Variants in ACER3 observed in about 807,000 individuals in gnomAD.
ACER3 encodes alkaline ceramidase 3, also known as alkCDase 3.
Under a neutral mutation model 48.9 loss-of-function variants are expected in ACER3, and 16 were observed. The ratio of observed to expected loss-of-function variants is 0.33; its 90% CI spans 0.22 to 0.50. The LOEUF is 0.50. ACER3 is among the 20% of genes least tolerant of loss of function. ACER3 has a pLI of 0.98. For missense variants in ACER3, 227 were observed against 326.0 expected (o/e 0.70, Z 2.34); for synonymous variants, 109 against 107.8 (o/e 1.01, Z -0.07).
chr11:76,985,872 C>T, intron 5 of ACER3, 148 bp downstream of exon 5: 1 of 453,166 alleles, frequency 2.2e-6, no homozygotes, highest in Non-Finnish European at 3.8e-6. Flanking sequence ...AATATTGCTC[C>T]CTTGTTCTCT....
chr11:77,017,969 CAG>C (rs1949403431), intron 9 of ACER3, among the ~76,000 whole-genome samples: 1 of 97,290 alleles, frequency 1.0e-5, no homozygotes, highest in African/African-American at 4.0e-5. Flanking sequence ...TTTTGGGAGA[CAG>C]AGTCTCCCCC....
At chr11:76,998,741 C>T (rs1555019140) in intron 6 of ACER3, 22 bp from the exon 7 acceptor site, 1 of 1,568,664 alleles carries the variant, frequency 6.4e-7, no homozygotes, top group Non-Finnish European at 8.7e-7. Context: ...TTGTACTAAC[C>T]TCATTTTCCG....
At chr11:76,898,384 G>T (rs1945988401) in intron 1 of ACER3, among the ~76,000 whole-genome samples, 1 of 152,048 alleles carries the variant, frequency 6.6e-6, no homozygotes, top group South Asian at 2.1e-4. Flanking sequence ...TTGTTTGTTT[G>T]TTTTTTGAGA....
At chr11:76,865,991 GT>G (rs201031925) in intron 1 of ACER3, among the ~76,000 whole-genome samples, 10,312 of 128,184 alleles carry the variant, frequency 0.08, 601 homozygotes, top group African/African-American at 0.18. Context: ...TTTGTTTTTT[GT>G]TTTTTTTTTT....
chr11:76,967,684 C>T (rs1309077814), intron 3 of ACER3, among the ~76,000 whole-genome samples: 1 of 152,180 alleles, frequency 6.6e-6, no homozygotes, highest in African/African-American at 2.4e-5. Flanking sequence ...GAACCAAAGA[C>T]AAAAACCACA....
Position 76,990,532 on chromosome 11 carries a change from T to C in ACER3, c.403-7T>C. ...CATTCACATGTGTTTTTTCTAATAT[T>C]TTGCAGGTTTACCTTAAGGTAAAAG... On this transcript the variant is annotated splice_region_variant and splice_polypyrimidine_tract_variant and intron_variant, in intron 5 of 10. Transcript: ENST00000532485. The C allele has an allele frequency of 6.6e-7, 1 of 1,504,030 alleles. No individual in the cohort carries two copies. The highest frequency in any genetic ancestry group is 9.2e-7 in the Non-Finnish European group (1 of 1,082,066). 93.2% of individuals were successfully genotyped at this position (1,504,030 alleles called of 1,614,324 possible). A position where few individuals can be genotyped will look rare whatever the true frequency, so the allele number is the denominator to read the frequency against.
intron 1 of ACER3, among the ~76,000 whole-genome samples, chr11:76,879,445 G>C (rs952471595): frequency 1.3e-5 from 2 of 152,062 alleles, no homozygotes; most frequent in African/African-American, 4.8e-5. Flanking sequence ...TTGTGCTATT[G>C]CACTGGCTAG....
intron 1 of ACER3, among the ~76,000 whole-genome samples, chr11:76,872,905 CTTTTTCTTTT>C (rs1945279986): frequency 1.1e-5 from 1 of 94,574 alleles, no homozygotes; most frequent in Non-Finnish European, 2.1e-5. Context: ...TTTCTTTTTT[CTTTTTCTTTT>C]TTTTTTTTTT....
At chr11:76,991,262 A>G (rs753117104) in intron 6 of ACER3, among the ~76,000 whole-genome samples, 2 of 152,124 alleles carry the variant, frequency 1.3e-5, no homozygotes, top group Non-Finnish European at 2.9e-5. Flanking sequence ...GATTTGTCTG[A>G]CTCCTTTTCA....
Position 76,945,412 on chromosome 11 carries a change from T to G in ACER3, c.215-13567T>G, listed in dbSNP as rs568868028. ...GATATATGTTGTTGGTTGAATAGGA[T>G]GCTTTGGCTTTGATTTTGGGTGCCT... is the stretch of plus-strand genomic sequence containing the variant. On this transcript the variant is annotated intron_variant, in intron 2 of 10. Transcript: ENST00000532485. 4.6e-5 allele frequency among the ~76,000 whole-genome samples: 7 copies of G among 152,324 alleles called. No homozygotes were observed. The South Asian group carries it at 1.5e-3, about 32-fold the overall frequency.
At chr11:76,961,377 C>T (rs138262914) in intron 3 of ACER3, among the ~76,000 whole-genome samples, 1 of 151,914 alleles carries the variant, frequency 6.6e-6, no homozygotes, top group African/African-American at 2.4e-5. Flanking sequence ...TATATGTATA[C>T]ATACTTAAAT....
At chr11:76,933,490 G>A (rs998646531) in intron 2 of ACER3, among the ~76,000 whole-genome samples, 4 of 150,678 alleles carry the variant, frequency 2.7e-5, no homozygotes, top group African/African-American at 4.9e-5. Context: ...GACTCTTAAC[G>A]AGCATGCTGC....
At chr11:76,945,685 C>T (rs1947454437) in intron 2 of ACER3, among the ~76,000 whole-genome samples, 2 of 152,162 alleles carry the variant, frequency 1.3e-5, no homozygotes, top group Admixed American at 6.6e-5. Context: ...ATTCTTGGGC[C>T]TGCACTTCAC....
chr11:76,867,682 G>C (rs1463164881), intron 1 of ACER3, among the ~76,000 whole-genome samples: 1 of 152,042 alleles, frequency 6.6e-6, no homozygotes, highest in African/African-American at 2.4e-5. Context: ...ATAAATAAAA[G>C]AAAGCTAAAA....
At chr11:76,871,238 T>C (rs547262755) in intron 1 of ACER3, among the ~76,000 whole-genome samples, 71 of 152,356 alleles carry the variant, frequency 4.7e-4, no homozygotes, top group Non-Finnish European at 3.5e-4. Flanking sequence ...AAGTATATAG[T>C]GTAAAGCAAA....
At chr11:76,958,945 T>G in intron 2 of ACER3, 34 bp from the exon 3 acceptor site, 1 of 1,612,122 alleles carries the variant, frequency 6.2e-7, no homozygotes, top group Non-Finnish European at 8.5e-7. Context: ...ACAAAGAATT[T>G]CATGCTAATT....
At position 76,943,543 on chromosome 11, in the gene ACER3, T is replaced by C. The variant is rs150578183; in HGVS notation, c.215-15436T>C. Among the ~76,000 whole-genome samples, 829 of 152,190 alleles carry C rather than the reference T, an allele frequency of 5.4e-3. 3 individuals are homozygous for C. The highest frequency in any genetic ancestry group is 9.0e-3 in the Non-Finnish European group (614 of 67,912). On this transcript the variant is annotated intron_variant, in intron 2 of 10. Transcript: ENST00000532485. ...AAGATACTTAATACGATTTTGATTTTTTTAAAAATTTTAAGACTTATTTTG... is the reference window on the plus strand; with the variant it reads ...AAGATACTTAATACGATTTTGATTTCTTTAAAAATTTTAAGACTTATTTTG...
chr11:76,933,240 CTTTTTT>C (rs34058460), intron 2 of ACER3, among the ~76,000 whole-genome samples: 1 of 130,436 alleles, frequency 7.7e-6, no homozygotes, highest in Non-Finnish European at 1.6e-5. Context: ...AATTAGAAAT[CTTTTTT>C]TTTTTTTTTA....
rs1341403663 is a variant in ACER3, at chr11:76,959,165, A to AC, written c.267+134_267+135insC. 2.6e-6 allele frequency: 4 copies of AC among 1,537,074 alleles called. No homozygotes were observed. The African/African-American group carries it at 5.5e-5, about 21-fold the overall frequency. On this transcript the variant is annotated intron_variant, in intron 3 of 10. Coordinates refer to ENST00000532485, the MANE Select transcript of ACER3 (RefSeq NM_018367.7). ...GGAGTTTTTTACTTCAAGTCTGAGG[A>AC]TCCAAACTGACTAAGTGAAGTAAAG...
Sources: allele counts gnomAD v4.1 joint callset (sites outside exome capture counted in the v4.1 genomes callset), GRCh38; gene constraint gnomAD v4.1.1; transcripts MANE v1.5; gene names NCBI Gene and HGNC (gene_info 2026-07-23, HGNC 2026-07-21).